The following SGTA variants were observed in gnomAD, a reference collection of about 807,000 sequenced individuals.
The protein encoded by SGTA is small glutamine rich tetratricopeptide repeat co-chaperone alpha.
A neutral mutation model predicts 44.3 loss-of-function variants in SGTA; 22 were observed. The ratio of observed to expected loss-of-function variants is 0.50; its 90% CI spans 0.36 to 0.71. SGTA has a LOEUF of 0.71. SGTA is among the 30% of genes least tolerant of loss of function. SGTA has a pLI of 0.00. For synonymous variants in SGTA, 174 were observed against 177.6 expected (o/e 0.98, Z 0.16); for missense variants, 341 against 435.9 (o/e 0.78, Z 1.94).
In SGTA at chr19:2,763,006, C is replaced by T. The variant is rs540882058; in HGVS notation, c.498-362G>A. On this transcript the variant is annotated intron_variant, in intron 6 of 11. Transcript: ENST00000221566. This position sits in a 1 kb window ranked among gnomAD's most constrained non-coding sequence, Gnocchi z 5.8. Reference sequence around the variant, plus strand: ...CACAGGGCACCAAGGACCCTCGGAACCTCTGAGCGACAGACATGTCTCCCG... The same window carrying T: ...CACAGGGCACCAAGGACCCTCGGAATCTCTGAGCGACAGACATGTCTCCCG... 9.1e-4 allele frequency among the ~76,000 whole-genome samples: 139 copies of T among 152,310 alleles called. No individual in the cohort carries two copies. The highest frequency in any genetic ancestry group is 3.2e-3 in the African/African-American group (135 of 41,568).
At chr19:2,764,501 G>A (rs1054394991) in intron 5 of SGTA, among the ~76,000 whole-genome samples, 2 of 151,956 alleles carry the variant, frequency 1.3e-5, no homozygotes. Flanking sequence ...GGGTTCAAGT[G>A]ATTTTCCTGC....
chr19:2,781,775 T>C (rs1915579941), intron 1 of SGTA, among the ~76,000 whole-genome samples: 1 of 151,950 alleles, frequency 6.6e-6, no homozygotes, highest in Admixed American at 6.6e-5. Flanking sequence ...CAAAACTTTG[T>C]ACACGATTTC....
intron 1 of SGTA, among the ~76,000 whole-genome samples, chr19:2,775,320 C>A (rs867255566): frequency 6.6e-6 from 1 of 152,238 alleles, no homozygotes; most frequent in Non-Finnish European, 1.5e-5. Flanking sequence ...GCCACCACCC[C>A]CTAGAAAATG....
At chr19:2,781,801 C>T (rs2144746259) in intron 1 of SGTA, among the ~76,000 whole-genome samples, 1 of 152,226 alleles carries the variant, frequency 6.6e-6, no homozygotes, top group Admixed American at 6.5e-5. Flanking sequence ...CCCACACAGT[C>T]CCAGCTGCCC....
intron 8 of SGTA, among the ~76,000 whole-genome samples, chr19:2,760,209 C>T (rs2144720894): frequency 6.6e-6 from 1 of 152,140 alleles, no homozygotes; most frequent in South Asian, 2.1e-4. Flanking sequence ...TATGAATGGG[C>T]ATGGCTGTGT....
rs779198319 is a variant in SGTA, at chr19:2,763,634, GC to G, written c.497+18del. On this transcript the variant is annotated intron_variant, in intron 6 of 11. Coordinates refer to ENST00000221566, the MANE Select transcript of SGTA (RefSeq NM_003021.4). The surrounding 1 kb of genome is among the most constrained non-coding windows in gnomAD (Gnocchi z 5.8). ...GGTCCCGAGAGACTGGAAAGGCGCG[GC>G]CGTGGACAGGCACTCACCCCATCCT... 8 of 1,571,996 alleles carry G rather than the reference GC, an allele frequency of 5.1e-6. No homozygotes were observed. The South Asian group carries it at 5.6e-5, about 11-fold the overall frequency.
In SGTA at chr19:2,757,531, C is replaced by A. The variant is rs1419137780; in HGVS notation, c.828-74G>T. ...CTGCCTCCGTCCATCCCCAGCTGAC[C>A]CCTCGGGCCCTCCACCCCAAAGACA... is the stretch of plus-strand genomic sequence containing the variant. On this transcript the variant is annotated intron_variant, in intron 10 of 11. Transcript: ENST00000221566. The A allele has an allele frequency of 1.9e-6, 3 of 1,550,822 alleles. No homozygotes were observed. The East Asian group carries it at 7.1e-5, about 37-fold the overall frequency.
At position 2,755,292 on chromosome 19, in the gene SGTA, AGAAAAG is replaced by A; in HGVS notation, c.*642_*647del. 1 of 481,178 alleles carries A rather than the reference AGAAAAG, an allele frequency of 2.1e-6. No individual in the cohort carries two copies. Among genetic ancestry groups the A allele is most frequent in the East Asian group, 1.5e-4 (1 of 6,546 alleles). The allele number at this position is 481,178 out of a possible 1,614,324, so 29.8% of individuals were successfully genotyped here. The stretch of plus-strand genomic sequence containing the variant: ...CATGTCTGTCAACATGCCCAACTGG[AGAAAAG>A]TCACAGAAACTGGTCCTATGCACCC... On this transcript the variant is annotated 3_prime_UTR_variant, in exon 12 of 12. Coordinates refer to ENST00000221566, the MANE Select transcript of SGTA (RefSeq NM_003021.4). The surrounding 1 kb of genome is among the most constrained non-coding windows in gnomAD (Gnocchi z 5.2).
chr19:2,757,871 T>A, intron 9 of SGTA, 89 bp from the exon 10 acceptor site: 1 of 848,564 alleles, frequency 1.2e-6, no homozygotes, highest in Non-Finnish European at 1.7e-6. Flanking sequence ...AGAGAATCCC[T>A]CTCAGCCCTT....
chr19:2,760,764 A>G (rs944326326), intron 8 of SGTA, among the ~76,000 whole-genome samples: 3 of 151,962 alleles, frequency 2.0e-5, no homozygotes, highest in Non-Finnish European at 4.4e-5. Context: ...GAATGGCACG[A>G]CCCGGGCAGG....
At chr19:2,771,613 A>T (rs1915311223) in intron 1 of SGTA, among the ~76,000 whole-genome samples, 1 of 150,692 alleles carries the variant, frequency 6.6e-6, no homozygotes, top group African/African-American at 2.5e-5. Context: ...GGCGTGCACA[A>T]CGCTGAGTGA....
rs147796580 is a variant in SGTA at position 2,763,300 on chromosome 19, G to A, written c.497+353C>T. Among the ~76,000 whole-genome samples, 1,224 of 152,294 alleles carry A rather than the reference G, an allele frequency of 8.0e-3. 14 individuals are homozygous for A. The highest frequency in any genetic ancestry group is 0.028 in the African/African-American group (1,163 of 41,556). On this transcript the variant is annotated intron_variant, in intron 6 of 11. Transcript: ENST00000221566. The surrounding 1 kb of genome is among the most constrained non-coding windows in gnomAD (Gnocchi z 5.8). ...CGGGGACCCTCCTGGCCTCACTCTC[G>A]GACCTGTCCTGTGTCCTTCATCATA...
chr19:2,762,494 C>T lies in SGTA; in HGVS notation c.636+12G>A, dbSNP rs142716412. The T allele has an allele frequency of 1.6e-4, 266 of 1,613,584 alleles. 3 individuals carry two copies. In the East Asian group the frequency reaches 4.1e-3, roughly 25 times the overall value. On this transcript the variant is annotated intron_variant, in intron 7 of 11. Transcript: ENST00000221566. ...TCGGCGTTCTGGAGCCACTCGCCCC[C>T]GCTGCACTCACGGGGCTGGGGGCCT...
intron 1 of SGTA, among the ~76,000 whole-genome samples, chr19:2,771,276 T>A (rs1356201246): frequency 6.6e-6 from 1 of 151,984 alleles, no homozygotes; most frequent in Non-Finnish European, 1.5e-5. Flanking sequence ...AATACAAAAA[T>A]TAGCTGGCAT....
Position 2,769,104 on chromosome 19 carries a change from G to T in SGTA, c.-23-13C>A. On this transcript the variant is annotated splice_polypyrimidine_tract_variant and intron_variant, in intron 1 of 11. Transcript: ENST00000221566. ...GAAGAGGTGATACCTGGGGGTGCAG[G>T]AAAAACCCCCATCAGGCCCCCTCAC... 1 of 1,553,180 alleles carries T rather than the reference G, an allele frequency of 6.4e-7. No homozygotes were observed.
At chr19:2,776,058 C>T (rs563688331) in intron 1 of SGTA, among the ~76,000 whole-genome samples, 10 of 152,184 alleles carry the variant, frequency 6.6e-5, no homozygotes, top group South Asian at 2.1e-4. Context: ...ATCTCATGTA[C>T]GACACATCAG....
Position 2,761,897 on chromosome 19 carries a change from G to A in SGTA, c.637-375C>T, listed in dbSNP as rs567705623. On this transcript the variant is annotated intron_variant, in intron 7 of 11. Transcript: ENST00000221566. This position sits in a 1 kb window ranked among gnomAD's most constrained non-coding sequence, Gnocchi z 5.7. Reference sequence around the variant, plus strand: ...CCCGTGTTTATTCCCCGTACAGCGCGACCGCCCGGGGACGGCACAGTCTAT... The same window carrying A: ...CCCGTGTTTATTCCCCGTACAGCGCAACCGCCCGGGGACGGCACAGTCTAT... 2.1e-5 allele frequency among the ~76,000 whole-genome samples: 3 copies of A among 141,612 alleles called. No individual in the cohort carries two copies. The highest frequency in any genetic ancestry group is 7.0e-5 in the Admixed American group (1 of 14,336). The allele number at this position is 141,612 out of a possible 152,430, so 92.9% of individuals were successfully genotyped here.
chr19:2,758,011 G>T (rs1432337328), intron 9 of SGTA, among the ~76,000 whole-genome samples: 1 of 152,198 alleles, frequency 6.6e-6, no homozygotes, highest in African/African-American at 2.4e-5. Context: ...GTAGTTCTCA[G>T]CCAGGGGGTG....
chr19:2,782,383 C>G (rs1915593218), intron 1 of SGTA, among the ~76,000 whole-genome samples: 1 of 152,240 alleles, frequency 6.6e-6, no homozygotes, highest in Non-Finnish European at 1.5e-5. Flanking sequence ...GCACACTACA[C>G]TGCAATTTTC....
Sources: gnomAD v4.1 joint callset for allele counts (sites outside exome capture counted in the v4.1 genomes callset) on GRCh38, gnomAD v4.1.1 for gene constraint, Gnocchi (gnomAD v3.1) non-coding constraint, MANE v1.5 for transcripts, NCBI Gene and HGNC (gene_info 2026-07-23, HGNC 2026-07-21) for gene names.